The following PRTFDC1 variants were observed in gnomAD, a reference collection of about 807,000 sequenced individuals.
PRTFDC1 encodes the protein phosphoribosyl transferase domain containing 1.
In PRTFDC1, 38 loss-of-function variants were observed where a neutral mutation model predicts 34.6. That is an observed-to-expected ratio of 1.10 (90% CI 0.85 to 1.44). The LOEUF (loss-of-function observed/expected upper bound fraction) is 1.44, where lower values mean the gene tolerates loss of function less well. Among genes scored for constraint, PRTFDC1 ranks in the 40% most tolerant of loss-of-function variants. The pLI, the probability that PRTFDC1 is intolerant of heterozygous loss-of-function variation, is 0.00. For synonymous variants in PRTFDC1, 93 were observed against 98.1 expected, an observed-to-expected ratio of 0.95 and a Z score of 0.31; for missense variants, 270 against 283.0, an observed-to-expected ratio of 0.95 and a Z score of 0.33.
At chr10:24,878,278 AAAAG>A (rs34418125) in intron 3 of PRTFDC1, among the ~76,000 whole-genome samples, 18,348 of 151,880 alleles carry the variant, frequency 0.12, 1,366 homozygotes, top group South Asian at 0.22. Flanking sequence ...ATTAAAAAAA[AAAAG>A]AAAGAAACTT....
At chr10:24,877,966 G>C (rs1187892313) in intron 3 of PRTFDC1, among the ~76,000 whole-genome samples, 2 of 151,668 alleles carry the variant, frequency 1.3e-5, no homozygotes, top group Non-Finnish European at 2.9e-5. Flanking sequence ...AAGAAACAGA[G>C]ACAATAAGAG....
chr10:24,878,046 C>T (rs1049887527), intron 3 of PRTFDC1, among the ~76,000 whole-genome samples: 9 of 151,858 alleles, frequency 5.9e-5, no homozygotes, highest in Non-Finnish European at 1.2e-4. Context: ...TTTGGGAGGC[C>T]GAGGCAGGTG....
chr10:24,879,596 C>T (rs1437158704), intron 3 of PRTFDC1, among the ~76,000 whole-genome samples: 3 of 152,108 alleles, frequency 2.0e-5, no homozygotes, highest in Non-Finnish European at 4.4e-5. Flanking sequence ...GATCTGCCCG[C>T]CTCGGCCTCC....
chr10:24,929,052 A>AAAAAAGAAAGAAAG lies in PRTFDC1; in HGVS notation c.339+8131_339+8132insCTTTCTTTCTTTTT, dbSNP rs1554765607. On this transcript the variant is annotated intron_variant, in intron 3 of 8. Coordinates refer to ENST00000320152, the MANE Select transcript of PRTFDC1 (RefSeq NM_020200.7). Reference sequence around the variant, plus strand: ...GCAGACTCCGTCTCAAAAAAAAAAAAAAAGAAAGAAAGAAAGAAAGAAAGG... The same window carrying AAAAAAGAAAGAAAG: ...GCAGACTCCGTCTCAAAAAAAAAAAAAAAAAGAAAGAAAGAAAGAAAGAAAGAAAGAAAGAAAGG... 1.4e-3 allele frequency among the ~76,000 whole-genome samples: 165 copies of AAAAAAGAAAGAAAG among 116,538 alleles called. 1 individual carries two copies. The highest frequency in any genetic ancestry group is 2.2e-3 in the Non-Finnish European group (130 of 59,106). 76.5% of individuals were successfully genotyped at this position (116,538 alleles called of 152,430 possible).
At chr10:24,910,462 G>A (rs1218021741) in intron 3 of PRTFDC1, among the ~76,000 whole-genome samples, 2 of 152,156 alleles carry the variant, frequency 1.3e-5, no homozygotes. Flanking sequence ...TTAAGATAAT[G>A]CACATGAAAA....
At chr10:24,894,959 CAAAG>C (rs2132544026) in intron 3 of PRTFDC1, among the ~76,000 whole-genome samples, 2 of 152,196 alleles carry the variant, frequency 1.3e-5, no homozygotes, top group South Asian at 4.2e-4. Flanking sequence ...AGGTTAAACT[CAAAG>C]AGAGACAGAG....
intron 4 of PRTFDC1, among the ~76,000 whole-genome samples, chr10:24,865,943 G>T (rs997664255): frequency 3.9e-5 from 6 of 152,186 alleles, no homozygotes; most frequent in Non-Finnish European, 5.9e-5. Flanking sequence ...AGAATCATCA[G>T]TCAGTGGGTC....
At chr10:24,927,007 A>G (rs1848886646) in intron 3 of PRTFDC1, among the ~76,000 whole-genome samples, 1 of 152,256 alleles carries the variant, frequency 6.6e-6, no homozygotes, top group Admixed American at 6.5e-5. Flanking sequence ...TTTATAAAAT[A>G]AAAAGGCTGT....
chr10:24,876,098 G>T (rs1013354937), intron 3 of PRTFDC1, among the ~76,000 whole-genome samples: 3 of 152,052 alleles, frequency 2.0e-5, no homozygotes, highest in African/African-American at 7.2e-5. Flanking sequence ...TTGCCTTGAG[G>T]CTGAGGGTGG....
At chr10:24,932,507 A>G (rs1481897484) in intron 3 of PRTFDC1, among the ~76,000 whole-genome samples, 3 of 152,012 alleles carry the variant, frequency 2.0e-5, no homozygotes, top group Admixed American at 6.6e-5. Flanking sequence ...ACCCATAAAT[A>G]ATTGGAATTT....
intron 4 of PRTFDC1, among the ~76,000 whole-genome samples, chr10:24,859,280 G>A (rs12775525): frequency 0.12 from 18,024 of 151,902 alleles, 1,348 homozygotes; most frequent in South Asian, 0.21. Flanking sequence ...TTTTTTTTGA[G>A]ACAGGGTCCC....
At chr10:24,939,630 T>C (rs1849118152) in intron 2 of PRTFDC1, among the ~76,000 whole-genome samples, 1 of 151,156 alleles carries the variant, frequency 6.6e-6, no homozygotes, top group Non-Finnish European at 1.5e-5. Context: ...CCATCTCTAC[T>C]AAAAATACAA....
intron 3 of PRTFDC1, among the ~76,000 whole-genome samples, chr10:24,898,298 A>C (rs1225913532): frequency 1.3e-5 from 2 of 150,738 alleles, no homozygotes; most frequent in South Asian, 2.1e-4. Context: ...AAAAAAAAAA[A>C]AAAAAAAACA....
At chr10:24,883,431 G>A (rs1848113656) in intron 3 of PRTFDC1, among the ~76,000 whole-genome samples, 1 of 151,992 alleles carries the variant, frequency 6.6e-6, no homozygotes, top group Non-Finnish European at 1.5e-5. Flanking sequence ...ACACAATAAT[G>A]GGAAGAAGCT....
At chr10:24,891,618 A>T (rs1378716800) in intron 3 of PRTFDC1, among the ~76,000 whole-genome samples, 2 of 120,522 alleles carry the variant, frequency 1.7e-5, no homozygotes, top group Admixed American at 1.7e-4. Context: ...CATGAAACCC[A>T]GTCTCTTAAA....
chr10:24,872,528 C>T (rs943545564), intron 3 of PRTFDC1, among the ~76,000 whole-genome samples: 2 of 151,866 alleles, frequency 1.3e-5, no homozygotes, highest in Non-Finnish European at 2.9e-5. Flanking sequence ...CTCTACTCCC[C>T]GCCATTGGAG....
At chr10:24,869,555 T>C (rs562491565) in intron 4 of PRTFDC1, among the ~76,000 whole-genome samples, 2 of 152,382 alleles carry the variant, frequency 1.3e-5, no homozygotes, top group East Asian at 3.9e-4. Flanking sequence ...CATTTACAAC[T>C]GTGATGCTCA....
chr10:24,929,249 G>A (rs1848935957), intron 3 of PRTFDC1, among the ~76,000 whole-genome samples: 1 of 152,002 alleles, frequency 6.6e-6, no homozygotes, highest in Non-Finnish European at 1.5e-5. Context: ...TAAACCCTTT[G>A]TTCTGAACTG....
At chr10:24,911,245 C>A (rs1204951391) in intron 3 of PRTFDC1, among the ~76,000 whole-genome samples, 1 of 152,198 alleles carries the variant, frequency 6.6e-6, no homozygotes, top group Non-Finnish European at 1.5e-5. Flanking sequence ...TTCTTCCTCT[C>A]CACTTATAGC....
Sources: gnomAD v4.1 joint callset for allele counts (sites outside exome capture counted in the v4.1 genomes callset) on GRCh38, gnomAD v4.1.1 for gene constraint, MANE v1.5 for transcripts, NCBI Gene and HGNC (gene_info 2026-07-23, HGNC 2026-07-21) for gene names.